Variants in DCLK1 observed in about 807,000 individuals in gnomAD.
DCLK1 encodes the protein serine/threonine-protein kinase DCLK1.
DCLK1 carries 16 observed loss-of-function variants against 86.2 expected under a neutral mutation model. The ratio of observed to expected loss-of-function variants is 0.19; its 90% CI spans 0.13 to 0.28. The LOEUF is 0.28. DCLK1 is among the 10% of genes least tolerant of loss of function. The pLI is 1.00. For missense variants in DCLK1, 590 were observed against 940.2 expected, an observed-to-expected ratio of 0.63 and a Z score of 4.87; for synonymous variants, 369 against 370.5, an observed-to-expected ratio of 1.00 and a Z score of 0.05.
chr13:36,122,839 T>C (rs1003789934), intron 2 of DCLK1, among the ~76,000 whole-genome samples: 2 of 152,210 alleles, frequency 1.3e-5, no homozygotes, highest in African/African-American at 2.4e-5. Context: ...CATACAATCA[T>C]AGACACACAC....
chr13:35,986,423 C>T (rs897570574), intron 3 of DCLK1, among the ~76,000 whole-genome samples: 4 of 151,178 alleles, frequency 2.6e-5, no homozygotes, highest in Non-Finnish European at 4.4e-5. Flanking sequence ...AGCAAGCGAA[C>T]TCCCAGTATA....
At chr13:35,935,780 G>C (rs1876721119) in intron 4 of DCLK1, among the ~76,000 whole-genome samples, 1 of 152,176 alleles carries the variant, frequency 6.6e-6, no homozygotes, top group Admixed American at 6.5e-5. Context: ...ACTTGGATTT[G>C]ACCTCTGCCT....
In DCLK1 at chr13:35,769,323, A is replaced by C. The variant is rs1265209153; in HGVS notation, c.*5212T>G. The C allele has an allele frequency of 1.3e-5, 2 of 152,312 alleles. No homozygotes were observed. The highest frequency in any genetic ancestry group is 2.9e-5 in the Non-Finnish European group (2 of 68,022). 9.4% of individuals were successfully genotyped at this position (152,312 alleles called of 1,614,324 possible). ...TGAGTCAAATTGAAACCTTTCAGAA[A>C]CTTGTTTAAATGCGCCAAGTCCCTA... On this transcript the variant is annotated 3_prime_UTR_variant, in exon 17 of 17. Transcript: ENST00000360631.
chr13:36,057,006 T>A (rs1390638018), intron 3 of DCLK1, among the ~76,000 whole-genome samples: 1 of 151,690 alleles, frequency 6.6e-6, no homozygotes, highest in Non-Finnish European at 1.5e-5. Flanking sequence ...GAAGATACTG[T>A]TTTAAAACTA....
At chr13:36,127,142 T>C (rs970641270) in intron 1 of DCLK1, among the ~76,000 whole-genome samples, 9 of 152,228 alleles carry the variant, frequency 5.9e-5, no homozygotes, top group African/African-American at 1.7e-4. Flanking sequence ...GTGTGCCCCA[T>C]GGCCAGATGG....
chr13:36,110,847 T>G (rs1174673927), intron 3 of DCLK1, among the ~76,000 whole-genome samples: 8 of 146,960 alleles, frequency 5.4e-5, no homozygotes, highest in Non-Finnish European at 1.5e-5. Context: ...TTTTTTTTTT[T>G]TGAGACGGAA....
chr13:35,855,500 T>C, intron 5 of DCLK1: 2 of 1,604,694 alleles, frequency 1.2e-6, no homozygotes, highest in Non-Finnish European at 1.7e-6. Flanking sequence ...CAGCAATGCA[T>C]TTCACTTACC....
intron 4 of DCLK1, among the ~76,000 whole-genome samples, chr13:35,934,643 A>T (rs1169080509): frequency 3.3e-5 from 5 of 152,192 alleles, no homozygotes; most frequent in African/African-American, 1.2e-4. Flanking sequence ...TCCCTCCCAC[A>T]ACATGTGGGA....
intron 4 of DCLK1, among the ~76,000 whole-genome samples, chr13:35,895,043 C>A (rs548991200): frequency 6.6e-6 from 1 of 152,292 alleles, no homozygotes; most frequent in Admixed American, 6.5e-5. Flanking sequence ...AACTCCTTGA[C>A]TCAAGTAATC....
chr13:35,871,253 C>T lies in DCLK1; in HGVS notation c.911G>A (p.Arg304His), dbSNP rs758716913. 1.7e-5 allele frequency: 28 copies of T among 1,613,740 alleles called. No individual in the cohort carries two copies. Among genetic ancestry groups the T allele is most frequent in the African/African-American group, 5.3e-5 (4 of 74,926 alleles). Residue 304 changes from arginine to histidine, a missense_variant, in exon 5 of 17, where the codon CGT (arginine) becomes CAT (histidine). Transcript: ENST00000360631. ...STTKSPGPSR[R>H]SKSPASTSSV... is the part of the protein sequence containing the mutation. The stretch of plus-strand genomic sequence containing the variant: ...GCTGGTGGAGGCAGGGGACTTGCTA[C>T]GCCTGGACGGTCCTGGGCTCTTGGT...
chr13:35,934,513 G>A (rs1225855043), intron 4 of DCLK1, among the ~76,000 whole-genome samples: 1 of 152,194 alleles, frequency 6.6e-6, no homozygotes, highest in Non-Finnish European at 1.5e-5. Flanking sequence ...CAAAGAGAGA[G>A]TGAAGAAGAC....
chr13:35,926,694 T>G (rs1035717594), intron 4 of DCLK1, among the ~76,000 whole-genome samples: 9 of 152,232 alleles, frequency 5.9e-5, no homozygotes, highest in African/African-American at 1.9e-4. Flanking sequence ...TATTTGTCCA[T>G]TATATTACAG....
intron 3 of DCLK1, among the ~76,000 whole-genome samples, chr13:35,989,561 C>T (rs1286586606): frequency 1.3e-5 from 2 of 152,132 alleles, no homozygotes; most frequent in African/African-American, 4.8e-5. Context: ...TGTATAATCC[C>T]ATTACTGCAC....
At chr13:36,117,540 T>A (rs1342253345) in intron 2 of DCLK1, among the ~76,000 whole-genome samples, 1 of 152,112 alleles carries the variant, frequency 6.6e-6, no homozygotes, top group Non-Finnish European at 1.5e-5. Flanking sequence ...ATTAAAATGG[T>A]AATAATCATT....
At chr13:36,082,137 C>T (rs1884441101) in intron 3 of DCLK1, among the ~76,000 whole-genome samples, 1 of 152,062 alleles carries the variant, frequency 6.6e-6, no homozygotes, top group South Asian at 2.1e-4. Context: ...CCTGCCTCTC[C>T]TGCCTCCCCT....
intron 10 of DCLK1, among the ~76,000 whole-genome samples, chr13:35,826,554 A>AGGAGGGAGGGAGGGAGGGAGGGAGG (rs1555342394): frequency 1.1e-4 from 3 of 27,874 alleles, no homozygotes; most frequent in Non-Finnish European, 4.0e-4. Context: ...AAAGAAAGAA[A>AGGAGGGAGGGAGGGAGGGAGGGAGG]GAAAGAAACA....
At chr13:35,940,233 AAT>A (rs1555351555) in intron 4 of DCLK1, among the ~76,000 whole-genome samples, 2 of 151,306 alleles carry the variant, frequency 1.3e-5, no homozygotes, top group African/African-American at 2.4e-5. Context: ...AAAAAAAAAA[AAT>A]AAGTTAGTAT....
chr13:35,895,516 T>C (rs988300267), intron 4 of DCLK1, among the ~76,000 whole-genome samples: 4 of 152,204 alleles, frequency 2.6e-5, no homozygotes. Flanking sequence ...TATGACATGA[T>C]GCACACGCTA....
At chr13:35,930,064 C>A (rs1172431829) in intron 4 of DCLK1, among the ~76,000 whole-genome samples, 1 of 152,116 alleles carries the variant, frequency 6.6e-6, no homozygotes, top group Non-Finnish European at 1.5e-5. Context: ...AATTTTGAAG[C>A]TAGATTTTAA....
Sources: gnomAD v4.1 joint callset for allele counts (sites outside exome capture counted in the v4.1 genomes callset) on GRCh38, gnomAD v4.1.1 for gene constraint, MANE v1.5 for transcripts, NCBI Gene and HGNC (gene_info 2026-07-23, HGNC 2026-07-21) for gene names.